Variants in DCAF7 observed in about 807,000 individuals in gnomAD.
The protein encoded by DCAF7 is DDB1 and CUL4 associated factor 7.
A neutral mutation model predicts 41.2 loss-of-function variants in DCAF7; 4 were observed. The ratio of observed to expected loss-of-function variants is 0.10; its 90% CI spans 0.05 to 0.22. DCAF7 has a LOEUF of 0.22. Ranked by LOEUF, DCAF7 falls within the 10% of genes least tolerant of loss-of-function variation. The pLI, the probability that DCAF7 is intolerant of heterozygous loss-of-function variation, is 1.00. For synonymous variants in DCAF7, 143 were observed against 164.2 expected (o/e 0.87, Z 0.99); for missense variants, 131 against 443.2 (o/e 0.30, Z 6.32).
chr17:63,559,398 T>TGTATATATATGTATATATATAC (rs1170521105), intron 1 of DCAF7, among the ~76,000 whole-genome samples: 2 of 97,498 alleles, frequency 2.1e-5, no homozygotes, highest in Non-Finnish European at 3.8e-5. Flanking sequence ...TATATATATA[T>TGTATATATATGTATATATATAC]GTATATATAT....
chr17:63,557,147 C>T (rs9906903), intron 1 of DCAF7, among the ~76,000 whole-genome samples: 40,791 of 152,008 alleles, frequency 0.27, 6,026 homozygotes, highest in African/African-American at 0.39. Flanking sequence ...AAAAAGATGT[C>T]TTTAGCTTGG....
At chr17:63,577,278 A>G (rs1002886979) in intron 1 of DCAF7, among the ~76,000 whole-genome samples, 1 of 152,206 alleles carries the variant, frequency 6.6e-6, no homozygotes, top group Non-Finnish European at 1.5e-5. Context: ...AACTATACCT[A>G]ACTTTGGGGG....
rs2033707945 is a variant in DCAF7, at chr17:63,589,100, G to T, written c.957G>T (p.Val319=). Residue 319 remains valine (V), a synonymous_variant, in exon 7 of 7, where the codon GTG becomes GTT. Coordinates refer to ENST00000614556, the MANE Select transcript of DCAF7 (RefSeq NM_005828.5). Reference sequence around the variant, plus strand: ...CAGCTGAAGGAGAGATCAACAATGTGCAGTGGGCATCAACTCAGCCCGACT... The same window carrying T: ...CAGCTGAAGGAGAGATCAACAATGTTCAGTGGGCATCAACTCAGCCCGACT... ...AYTAEGEINN[V]QWASTQPDWI... is the part of the protein sequence containing the mutation. 1.2e-6 allele frequency: 2 copies of T among 1,614,010 alleles called. No individual in the cohort carries two copies. Among genetic ancestry groups the T allele is most frequent in the East Asian group, 4.5e-5 (2 of 44,890 alleles).
rs139146412 is a variant in DCAF7, at chr17:63,550,546, C to T, written c.-132C>T. The T allele has an allele frequency of 9.9e-3, 13,740 of 1,387,002 alleles. 88 individuals are homozygous for T. The highest frequency in any genetic ancestry group is 0.012 in the Non-Finnish European group (12,084 of 1,048,602). 85.9% of individuals were successfully genotyped at this position (1,387,002 alleles called of 1,614,324 possible). A position where few individuals can be genotyped will look rare whatever the true frequency, so the allele number is the denominator to read the frequency against. On this transcript the variant is annotated 5_prime_UTR_variant, in exon 1 of 7. Coordinates refer to ENST00000614556, the MANE Select transcript of DCAF7 (RefSeq NM_005828.5). This position sits in a 1 kb window ranked among gnomAD's most constrained non-coding sequence, Gnocchi z 4.8. ...CCGTCGTCGTTGTTTGTCGCCGCATCCCCGCTTCCGGGTTAGGCCGTTCCT... is the reference window on the plus strand; with the variant it reads ...CCGTCGTCGTTGTTTGTCGCCGCATTCCCGCTTCCGGGTTAGGCCGTTCCT...
chr17:63,565,991 C>T (rs534136200), intron 1 of DCAF7, among the ~76,000 whole-genome samples: 137 of 152,120 alleles, frequency 9.0e-4, no homozygotes, highest in Non-Finnish European at 1.6e-3. Context: ...ATCCTAGCTA[C>T]TCAGGAAACT....
At chr17:63,557,983 C>A (rs1351638732) in intron 1 of DCAF7, among the ~76,000 whole-genome samples, 1 of 152,060 alleles carries the variant, frequency 6.6e-6, no homozygotes, top group Admixed American at 6.5e-5. Context: ...GCACTCTTGA[C>A]CTCCTAGGCT....
In DCAF7 at chr17:63,592,705, C is replaced by T. The variant is rs2033747158; in HGVS notation, c.*3533C>T. ...CTTAGCCTGGGTCAGCCTTCCTGGG[C>T]CATAAATTGGGCATCCGTGATGCTA... is the stretch of plus-strand genomic sequence containing the variant. On this transcript the variant is annotated 3_prime_UTR_variant, in exon 7 of 7. Coordinates refer to ENST00000614556, the MANE Select transcript of DCAF7 (RefSeq NM_005828.5). The T allele has an allele frequency of 1.3e-5, 2 of 152,100 alleles. No individual in the cohort carries two copies. Among genetic ancestry groups the T allele is most frequent in the Non-Finnish European group, 2.9e-5 (2 of 68,056 alleles). The allele number at this position is 152,100 out of a possible 1,614,324, so 9.4% of individuals were successfully genotyped here. A position where few individuals can be genotyped will look rare whatever the true frequency, so the allele number is the denominator to read the frequency against.
chr17:63,550,824 G>T lies in DCAF7; in HGVS notation c.138+9G>T. 1.2e-6 allele frequency: 2 copies of T among 1,612,108 alleles called. No individual in the cohort carries two copies. The highest frequency in any genetic ancestry group is 1.7e-6 in the Non-Finnish European group (2 of 1,178,904). The stretch of plus-strand genomic sequence containing the variant: ...AGGAGTACAACAACAAGGTGGGCCG[G>T]GCAGGGGCTCGGAACCCAGCTGGCG... On this transcript the variant is annotated intron_variant, in intron 1 of 6. Transcript: ENST00000614556. This position sits in a 1 kb window ranked among gnomAD's most constrained non-coding sequence, Gnocchi z 4.8.
At chr17:63,569,752 G>T (rs1598030802) in intron 1 of DCAF7, among the ~76,000 whole-genome samples, 2 of 152,230 alleles carry the variant, frequency 1.3e-5, no homozygotes, top group East Asian at 3.9e-4. Context: ...TCACTCTGTT[G>T]CTCAGGGTGG....
At position 63,592,629 on chromosome 17, in the gene DCAF7, G is replaced by A. The variant is rs2033746386; in HGVS notation, c.*3457G>A. ...ATAGTAGAGGTCAGTGAAGGTCTGG[G>A]GTAGGGAAACATTCAGACTGTCCAT... On this transcript the variant is annotated 3_prime_UTR_variant, in exon 7 of 7. Coordinates refer to ENST00000614556, the MANE Select transcript of DCAF7 (RefSeq NM_005828.5). 1 of 152,142 alleles carries A rather than the reference G, an allele frequency of 6.6e-6. No individual in the cohort carries two copies. Among genetic ancestry groups the A allele is most frequent in the South Asian group, 2.1e-4 (1 of 4,818 alleles). The allele number at this position is 152,142 out of a possible 1,614,324, so 9.4% of individuals were successfully genotyped here. A position where few individuals can be genotyped will look rare whatever the true frequency, so the allele number is the denominator to read the frequency against.
chr17:63,558,119 T>G (rs2033329933), intron 1 of DCAF7, among the ~76,000 whole-genome samples: 1 of 152,162 alleles, frequency 6.6e-6, no homozygotes, highest in African/African-American at 2.4e-5. Context: ...GGTCTCAAAC[T>G]GTGGGCTCAA....
intron 1 of DCAF7, among the ~76,000 whole-genome samples, chr17:63,563,720 T>G (rs1426669166): frequency 2.0e-5 from 3 of 151,934 alleles, no homozygotes; most frequent in Admixed American, 1.3e-4. Flanking sequence ...GAGGCTGAGA[T>G]GGGAGGATCA....
Position 63,578,473 on chromosome 17 carries a change from C to G in DCAF7, c.142C>G (p.Gln48Glu). 1 of 1,613,992 alleles carries G rather than the reference C, an allele frequency of 6.2e-7. No homozygotes were observed. The highest frequency in any genetic ancestry group is 1.1e-5 in the South Asian group (1 of 91,066). ...SFVEEYNNKV[Q>E]LVGLDEESSE... ...GCTCAACTTTGGTATGTTACAGGTTCAGCTTGTTGGTTTAGATGAGGAGAG... is the reference window on the plus strand; with the variant it reads ...GCTCAACTTTGGTATGTTACAGGTTGAGCTTGTTGGTTTAGATGAGGAGAG... Residue 48 changes from glutamine (Q) to glutamate (E), a missense_variant, in exon 2 of 7, where the codon CAG becomes GAG. Transcript: ENST00000614556.
chr17:63,581,126 T>A (rs1027339641), intron 4 of DCAF7, among the ~76,000 whole-genome samples: 1 of 152,200 alleles, frequency 6.6e-6, no homozygotes, highest in Non-Finnish European at 1.5e-5. Flanking sequence ...GTTACAAGAC[T>A]TCTAGAGTTG....
At chr17:63,575,208 A>G (rs1381535291) in intron 1 of DCAF7, among the ~76,000 whole-genome samples, 1 of 152,176 alleles carries the variant, frequency 6.6e-6, no homozygotes, top group Non-Finnish European at 1.5e-5. Flanking sequence ...ACGCACGCCT[A>G]TAATTCCAGC....
chr17:63,591,683 C>T lies in DCAF7; in HGVS notation c.*2511C>T, dbSNP rs1386404246. The T allele has an allele frequency of 6.6e-6, 1 of 152,270 alleles. No homozygotes were observed. Among genetic ancestry groups the T allele is most frequent in the Non-Finnish European group, 1.5e-5 (1 of 68,060 alleles). 9.4% of individuals were successfully genotyped at this position (152,270 alleles called of 1,614,324 possible). A position where few individuals can be genotyped will look rare whatever the true frequency, so the allele number is the denominator to read the frequency against. ...TTAGAAAGTCTGTAAGCCATCCATG[C>T]TCCAGAAAGCACCGATCTGTTGTAG... is the stretch of plus-strand genomic sequence containing the variant. On this transcript the variant is annotated 3_prime_UTR_variant, in exon 7 of 7. Transcript: ENST00000614556.
At chr17:63,568,402 T>C (rs2033468259) in intron 1 of DCAF7, among the ~76,000 whole-genome samples, 2 of 152,188 alleles carry the variant, frequency 1.3e-5, no homozygotes, top group South Asian at 4.2e-4. Flanking sequence ...TAGAAAGTTC[T>C]TAGTCTTTGC....
chr17:63,583,418 T>G (rs909785377), intron 4 of DCAF7, 84 bp from the exon 5 acceptor site: 11 of 1,237,734 alleles, frequency 8.9e-6, no homozygotes, highest in Non-Finnish European at 1.3e-5. Flanking sequence ...GAGGTTTAGA[T>G]GAACTGGACG....
Position 63,560,771 on chromosome 17 carries a change from G to A in DCAF7, c.138+9956G>A, listed in dbSNP as rs188529046. ...TAACATTAATAAAAATTAAATCTTA[G>A]TAGAACTTCAGAAAGAGGAATAAAC... On this transcript the variant is annotated intron_variant, in intron 1 of 6. Coordinates refer to ENST00000614556, the MANE Select transcript of DCAF7 (RefSeq NM_005828.5). Among the ~76,000 whole-genome samples, 344 of 152,224 alleles carry A rather than the reference G, an allele frequency of 2.3e-3. 1 individual carries two copies. The highest frequency in any genetic ancestry group is 0.011 in the South Asian group (54 of 4,828).
Sources: allele counts gnomAD v4.1 joint callset (sites outside exome capture counted in the v4.1 genomes callset), GRCh38; gene constraint gnomAD v4.1.1; non-coding constraint Gnocchi (gnomAD v3.1); transcripts MANE v1.5; gene names NCBI Gene and HGNC (gene_info 2026-07-23, HGNC 2026-07-21).